CENPW: variants seen among roughly 807,000 people sequenced by gnomAD.
CENPW encodes centromere protein W, also known as cancer-up-regulated gene 2 protein.
CENPW carries 3 observed loss-of-function variants against 11.1 expected under a neutral mutation model. The observed-to-expected ratio is 0.27, with a 90% CI of 0.12 to 0.70. The LOEUF (loss-of-function observed/expected upper bound fraction) is 0.70, where lower values mean the gene tolerates loss of function less well. CENPW is among the 30% of genes least tolerant of loss of function. The probability of loss-of-function intolerance (pLI) is 0.77; values close to 1 mark genes in which losing one functional copy is unlikely to be tolerated. For synonymous variants in CENPW, 38 were observed against 42.0 expected (o/e 0.91, Z 0.37); for missense variants, 100 against 105.6 (o/e 0.95, Z 0.23).
the CENPW span, among the ~76,000 whole-genome samples, chr6:126,439,797 G>A: frequency 9.2e-5 from 14 of 151,550 alleles, no homozygotes; most frequent in African/African-American, 3.4e-4. Context: ...CTATAGCCAA[G>A]ATCATGGTAT....
the CENPW span, among the ~76,000 whole-genome samples, chr6:126,437,225 A>T: frequency 6.6e-6 from 1 of 151,984 alleles, no homozygotes; most frequent in Non-Finnish European, 1.5e-5. Flanking sequence ...CCTGGCATGA[A>T]AAAAGGAAGC....
the CENPW span, among the ~76,000 whole-genome samples, chr6:126,435,268 G>T: frequency 6.6e-6 from 1 of 151,790 alleles, no homozygotes; most frequent in Non-Finnish European, 1.5e-5. Context: ...TCTTTCAAAA[G>T]TGGAAAAATA....
the CENPW span, among the ~76,000 whole-genome samples, chr6:126,371,463 T>G: frequency 6.6e-6 from 1 of 152,228 alleles, no homozygotes; most frequent in African/African-American, 2.4e-5. Flanking sequence ...GGATTACCTT[T>G]TTAATATGCT....
the CENPW span, among the ~76,000 whole-genome samples, chr6:126,391,355 AT>A: frequency 6.6e-6 from 1 of 151,886 alleles, no homozygotes; most frequent in Non-Finnish European, 1.5e-5. Flanking sequence ...AGCTCCTTAT[AT>A]ATTCTGGTTA....
the CENPW span, among the ~76,000 whole-genome samples, chr6:126,458,118 C>T: frequency 6.6e-6 from 1 of 151,272 alleles, no homozygotes; most frequent in Non-Finnish European, 1.5e-5. Context: ...CTTGGGTATA[C>T]TTTTGGCTTT....
chr6:126,468,149 C>G, the CENPW span, among the ~76,000 whole-genome samples: 1 of 152,028 alleles, frequency 6.6e-6, no homozygotes, highest in Non-Finnish European at 1.5e-5. Flanking sequence ...GCCCGGTGCT[C>G]TGGCTCATGC....
chr6:126,438,850 C>T, the CENPW span, among the ~76,000 whole-genome samples: 11 of 151,560 alleles, frequency 7.3e-5, no homozygotes, highest in Admixed American at 6.6e-5. Flanking sequence ...TTTAATTAAA[C>T]AAAATACAGC....
In CENPW at chr6:126,340,398, T is replaced by G; in HGVS notation, c.125T>G (p.Leu42Trp). 6.2e-7 allele frequency: 1 copy of G among 1,614,142 alleles called. No homozygotes were observed. Among genetic ancestry groups the G allele is most frequent in the South Asian group, 1.1e-5 (1 of 91,066 alleles). ...QLRLEKSGDL[L>W]VHLNCLLFVH... is the part of the protein sequence containing the mutation. ...CGTCTGGAGAAAAGTGGTGACTTAT[T>G]GGTGAGATTCCATCCCTTCTCGGGC... Residue 42 changes from leucine (L) to tryptophan (W), a missense_variant and splice_region_variant, in exon 1 of 3, where the codon TTG (leucine) becomes TGG (tryptophan). Leu to Trp is a moderately conservative substitution (Grantham distance 61). Coordinates refer to ENST00000368328, the MANE Select transcript of CENPW (RefSeq NM_001012507.4).
chr6:126,385,286 A>G, the CENPW span, among the ~76,000 whole-genome samples: 1 of 152,160 alleles, frequency 6.6e-6, no homozygotes, highest in Admixed American at 6.6e-5. Flanking sequence ...AAATTGTTCT[A>G]TCATGAAGGC....
chr6:126,392,878 T>A, the CENPW span, among the ~76,000 whole-genome samples: 2 of 151,960 alleles, frequency 1.3e-5, 1 homozygote, highest in Non-Finnish European at 2.9e-5. Context: ...TTGGTATTAG[T>A]ACTTCTTTAA....
the CENPW span, among the ~76,000 whole-genome samples, chr6:126,483,043 C>A: frequency 4.9e-4 from 74 of 151,912 alleles, no homozygotes; most frequent in African/African-American, 1.7e-3. Context: ...AAAAGCCTTG[C>A]AATGTTTCTA....
At chr6:126,399,320 G>A in the CENPW span, among the ~76,000 whole-genome samples, 1 of 152,012 alleles carries the variant, frequency 6.6e-6, no homozygotes. Context: ...AGGGGATATG[G>A]AGGGCCGGCT....
the CENPW span, among the ~76,000 whole-genome samples, chr6:126,466,076 T>C: frequency 4.6e-5 from 7 of 152,130 alleles, no homozygotes; most frequent in Admixed American, 3.3e-4. Flanking sequence ...AATAGTATTC[T>C]GTATATAGTA....
the CENPW span, among the ~76,000 whole-genome samples, chr6:126,357,609 CT>C: frequency 1.0e-3 from 152 of 146,206 alleles, no homozygotes; most frequent in African/African-American, 1.2e-3. Context: ...TTTCATAGTT[CT>C]TTTTTTTTTT....
At chr6:126,340,924 G>A (rs888287316) in intron 1 of CENPW, among the ~76,000 whole-genome samples, 2 of 151,918 alleles carry the variant, frequency 1.3e-5, no homozygotes, top group Non-Finnish European at 2.9e-5. Context: ...ACCAAACATT[G>A]CCTTATTTCC....
the CENPW span, among the ~76,000 whole-genome samples, chr6:126,366,429 A>G: frequency 6.6e-6 from 1 of 152,196 alleles, no homozygotes; most frequent in Non-Finnish European, 1.5e-5. Context: ...TAATATTTCA[A>G]TGTATGATTG....
the CENPW span, among the ~76,000 whole-genome samples, chr6:126,373,176 C>T: frequency 6.6e-6 from 1 of 152,050 alleles, no homozygotes; most frequent in Non-Finnish European, 1.5e-5. Context: ...TCTAAAGCTT[C>T]CAGTAACCTA....
At chr6:126,444,780 A>G in the CENPW span, among the ~76,000 whole-genome samples, 1 of 151,126 alleles carries the variant, frequency 6.6e-6, no homozygotes, top group South Asian at 2.1e-4. Flanking sequence ...AAAACTTTAC[A>G]TGTGATCTGT....
chr6:126,407,695 G>A, the CENPW span, among the ~76,000 whole-genome samples: 3 of 152,104 alleles, frequency 2.0e-5, no homozygotes, highest in Non-Finnish European at 2.9e-5. Context: ...GTGATGTGGA[G>A]CTTTTTTCAT....
Sources: gnomAD v4.1 joint callset for allele counts (sites outside exome capture counted in the v4.1 genomes callset) on GRCh38, gnomAD v4.1.1 for gene constraint, MANE v1.5 for transcripts, NCBI Gene and HGNC (gene_info 2026-07-23, HGNC 2026-07-21) for gene names.